Variants in DIABLO observed in about 807,000 individuals in gnomAD.
DIABLO encodes the protein diablo IAP-binding mitochondrial protein, also known as diablo homolog, mitochondrial.
Under a neutral mutation model 31.7 loss-of-function variants are expected in DIABLO, and 32 were observed. The observed-to-expected ratio is 1.01, with a 90% confidence interval of 0.76 to 1.35. DIABLO has a LOEUF of 1.35. DIABLO is among the 40% of genes most tolerant of loss of function. The pLI is 0.00. For synonymous variants in DIABLO, 132 were observed against 103.2 expected (o/e 1.28, Z -1.69); for missense variants, 316 against 286.4 (o/e 1.10, Z -0.75).
At chr12:122,213,761 C>CCTCAGGATCACTACTTTTT (rs557291979) in intron 5 of DIABLO, among the ~76,000 whole-genome samples, 6 of 151,946 alleles carry the variant, frequency 3.9e-5, no homozygotes, top group Non-Finnish European at 8.8e-5. Context: ...ATCTCTGATC[C>CCTCAGGATCACTACTTTTT]CTCAGGATCA....
At chr12:122,225,738 G>C in intron 1 of DIABLO, 1 of 1,431,446 alleles carries the variant, frequency 7.0e-7, no homozygotes, top group Non-Finnish European at 9.1e-7. Flanking sequence ...GGGGTCTCGG[G>C]GACTCGTTTC....
upstream of DIABLO, chr12:122,226,524 C>T (rs1593186469): frequency 1.4e-6 from 1 of 699,120 alleles, no homozygotes; most frequent in Non-Finnish European, 2.6e-6. Flanking sequence ...GAGCAGCTCC[C>T]GCAGCAGCTG....
At chr12:122,211,692 C>A (rs1954092103) in intron 5 of DIABLO, among the ~76,000 whole-genome samples, 3 of 152,160 alleles carry the variant, frequency 2.0e-5, no homozygotes, top group Non-Finnish European at 4.4e-5. Flanking sequence ...AAAACAAATT[C>A]TGTTCTAATC....
chr12:122,217,321 T>G (rs1954237674), intron 3 of DIABLO: 2 of 195,134 alleles, frequency 1.0e-5, no homozygotes, highest in Non-Finnish European at 2.1e-5. Context: ...GAGACCAGCT[T>G]GGCCAACATG....
In DIABLO at chr12:122,225,372, G is replaced by A. The variant is rs142882143; in HGVS notation, c.50+593C>T. On this transcript the variant is annotated intron_variant, in intron 1 of 5. Coordinates refer to ENST00000464942, the MANE Select transcript of DIABLO (RefSeq NM_001371333.1). ...ACTGCACTCCAGCCTGGGCGACAGA[G>A]GCAGATCTTGTCTCAAAAAAATTAA... 2.0e-4 allele frequency: 200 copies of A among 987,098 alleles called. 3 individuals carry two copies. In the East Asian group the frequency reaches 0.021, roughly 102 times the overall value. 61.1% of individuals were successfully genotyped at this position (987,098 alleles called of 1,614,324 possible). A position where few individuals can be genotyped will look rare whatever the true frequency, so the allele number is the denominator to read the frequency against.
intron 2 of DIABLO, chr12:122,221,014 G>A (rs1225118254): frequency 6.6e-6 from 1 of 152,192 alleles, no homozygotes; most frequent in Non-Finnish European, 1.5e-5. Context: ...TGGAAGCTCA[G>A]AATAGTTATG....
At chr12:122,220,515 C>G (rs532355460) in intron 2 of DIABLO, 1 of 151,956 alleles carries the variant, frequency 6.6e-6, no homozygotes, top group Non-Finnish European at 1.5e-5. Context: ...ATTAGCTGGG[C>G]GTGGTGGCGG....
intron 2 of DIABLO, among the ~76,000 whole-genome samples, chr12:122,224,304 T>A (rs2136107941): frequency 6.6e-6 from 1 of 152,268 alleles, no homozygotes; most frequent in East Asian, 1.9e-4. Context: ...ACTCGCTTTA[T>A]ACAATTTGAT....
chr12:122,216,669 CTG>C, intron 4 of DIABLO, 85 bp from the exon 5 acceptor site: 1 of 1,547,940 alleles, frequency 6.5e-7, no homozygotes, highest in East Asian at 2.2e-5. Context: ...TTAGAGAACA[CTG>C]ATTATATTGA....
At chr12:122,223,692 A>G (rs1405800875) in intron 2 of DIABLO, among the ~76,000 whole-genome samples, 1 of 152,208 alleles carries the variant, frequency 6.6e-6, no homozygotes, top group Non-Finnish European at 1.5e-5. Flanking sequence ...CAGATAGTAT[A>G]ATGGCTCTTT....
chr12:122,215,715 G>T (rs972983128), intron 5 of DIABLO, among the ~76,000 whole-genome samples: 4 of 151,884 alleles, frequency 2.6e-5, no homozygotes, highest in African/African-American at 9.7e-5. Flanking sequence ...AGCACTGGCT[G>T]CTGGGAGAAT....
At chr12:122,216,045 G>C (rs1481602078) in intron 5 of DIABLO, among the ~76,000 whole-genome samples, 1 of 152,052 alleles carries the variant, frequency 6.6e-6, no homozygotes, top group African/African-American at 2.4e-5. Flanking sequence ...GCCTGACATA[G>C]ACAAATAATT....
At chr12:122,222,957 G>A (rs1280656519) in intron 2 of DIABLO, among the ~76,000 whole-genome samples, 3 of 151,704 alleles carry the variant, frequency 2.0e-5, no homozygotes, top group Non-Finnish European at 4.4e-5. Context: ...GAATACACCC[G>A]ACAACCAATC....
At chr12:122,224,859 T>G (rs1006056091) in intron 1 of DIABLO, 1 of 1,473,466 alleles carries the variant, frequency 6.8e-7, no homozygotes, top group African/African-American at 1.4e-5. Flanking sequence ...ATCCTAGCAC[T>G]TGGAAGGCCA....
rs760411788 is a variant in DIABLO, at chr12:122,224,572, T to C, written c.123A>G (p.Pro41=). The C allele has an allele frequency of 7.4e-6, 12 of 1,614,020 alleles. No homozygotes were observed. Among genetic ancestry groups the C allele is most frequent in the East Asian group, 2.2e-5 (1 of 44,878 alleles). The change falls in exon 2 of 6, where the codon CCA becomes CCG. Residue 41 remains proline, a synonymous_variant. Coordinates refer to ENST00000464942, the MANE Select transcript of DIABLO (RefSeq NM_001371333.1). ...KKRCFSELIR[P]WHKTVTIGFG... is the part of the protein sequence containing the mutation. Reference sequence around the variant, plus strand: ...AGCCAATCGTCACAGTTTTGTGCCATGGTCTTATCAATTCTGAGAAACACC... The same window carrying C: ...AGCCAATCGTCACAGTTTTGTGCCACGGTCTTATCAATTCTGAGAAACACC...
intron 1 of DIABLO, 106 bp from the exon 2 acceptor site, chr12:122,224,750 T>C: frequency 6.2e-7 from 1 of 1,608,930 alleles, no homozygotes; most frequent in African/African-American, 1.3e-5. Flanking sequence ...AGCAGGAACC[T>C]AAATGAGGAT....
intron 5 of DIABLO, chr12:122,208,925 T>A (rs1954009610): frequency 2.6e-6 from 1 of 378,522 alleles, no homozygotes; most frequent in Middle Eastern, 8.5e-4. Flanking sequence ...AAAGAGATCA[T>A]GAATAAAATT....
Position 122,208,411 on chromosome 12 carries a change from C to T in DIABLO, c.690G>A (p.Ser230=), listed in dbSNP as rs35426428. The change falls in exon 6 of 6, where the codon TCG becomes TCA. Residue 230 remains serine, a synonymous_variant. Coordinates refer to ENST00000464942, the MANE Select transcript of DIABLO (RefSeq NM_001371333.1). The stretch of plus-strand genomic sequence containing the variant: ...CCTCACGCAGGTAGGCCTCCTGCTC[C>T]GACTCAGCCCGCTCCTCCCCTTCCT... ...TQEEGEERAE[S]EQEAYLRED The T allele has an allele frequency of 0.018, 28,583 of 1,613,036 alleles. 3,788 individuals carry two copies. In the African/African-American group the frequency reaches 0.32, roughly 18 times the overall value.
rs751305847 is a variant in DIABLO, at chr12:122,218,350, T to C, written c.231A>G (p.Ala77=). Residue 77 remains alanine (A), a synonymous_variant, in exon 3 of 6, where the codon GCA becomes GCG. Transcript: ENST00000464942. ...AGGTGCTATCTGTTACCAAAGACAC[T>C]GCTCTCCTCATCAATGCTTCACTAC... The part of the protein sequence containing the change: ...SLSSEALMRR[A]VSLVTDSTST... 3.7e-6 allele frequency: 6 copies of C among 1,614,064 alleles called. No homozygotes were observed. The highest frequency in any genetic ancestry group is 3.3e-5 in the South Asian group (3 of 91,092).
Sources: gnomAD v4.1 joint callset for allele counts (sites outside exome capture counted in the v4.1 genomes callset) on GRCh38, gnomAD v4.1.1 for gene constraint, MANE v1.5 for transcripts, NCBI Gene and HGNC (gene_info 2026-07-23, HGNC 2026-07-21) for gene names.